Variants in ZNF679 observed in about 807,000 individuals in gnomAD.
ZNF679 encodes the protein hypothetical protein MGC42415.
Under a neutral mutation model 13.4 loss-of-function variants are expected in ZNF679, and 10 were observed. That is an observed-to-expected ratio of 0.75 (90% CI 0.46 to 1.27). The LOEUF is 1.27. Among genes scored for constraint, ZNF679 ranks in the 50% most tolerant of loss-of-function variants. The pLI is 0.00. For synonymous variants in ZNF679, 179 were observed against 162.5 expected (o/e 1.10, Z -0.77); for missense variants, 525 against 477.8 (o/e 1.10, Z -0.92).
chr7:64,255,213 A>G (rs2115579041), intron 2 of ZNF679, among the ~76,000 whole-genome samples: 1 of 152,146 alleles, frequency 6.6e-6, no homozygotes. Context: ...CTAAAAACTT[A>G]GAGAAAAGGA....
intron 2 of ZNF679, among the ~76,000 whole-genome samples, chr7:64,259,663 C>G (rs1388673519): frequency 1.3e-5 from 2 of 152,134 alleles, no homozygotes; most frequent in African/African-American, 2.4e-5. Context: ...TGCGGGGGCT[C>G]ACGCTAGTAA....
intron 4 of ZNF679, 138 bp downstream of exon 4, chr7:64,261,067 T>C (rs1788070991): frequency 1.1e-6 from 1 of 901,154 alleles, no homozygotes; most frequent in Non-Finnish European, 1.6e-6. Flanking sequence ...TTTTTTTTTC[T>C]TTTGCTCTCA....
chr7:64,266,658 A>T lies in ZNF679; in HGVS notation c.1025A>T (p.His342Leu). The T allele has an allele frequency of 6.2e-7, 1 of 1,613,824 alleles. No individual in the cohort carries two copies. The highest frequency in any genetic ancestry group is 1.6e-4 in the Middle Eastern group (1 of 6,062). The part of the protein sequence containing the change: ...AFNCSSTLKK[H>L]KIIHTGEKPY... ...AACTGCTCCTCAACCCTTAAGAAAC[A>T]TAAGATAATTCATACTGGAGAGAAA... Residue 342 changes from histidine (H) to leucine (L), a missense_variant, in exon 5 of 5, where the codon CAT becomes CTT. His to Leu is a moderately conservative substitution (Grantham distance 99). Transcript: ENST00000421025.
At chr7:64,265,480 CACTTTCTATCATGGAAGACAGAA>C (rs1357977078) in intron 4 of ZNF679, among the ~76,000 whole-genome samples, 1 of 152,134 alleles carries the variant, frequency 6.6e-6, no homozygotes, top group Non-Finnish European at 1.5e-5. Context: ...TTTGATTCAG[CACTTTCTATCATGGAAGACAGAA>C]AGGCCTCCAT....
At chr7:64,240,433 G>T in intron 1 of ZNF679, among the ~76,000 whole-genome samples, 1 of 152,152 alleles carries the variant, frequency 6.6e-6, no homozygotes, top group East Asian at 1.9e-4. Context: ...CAACAGGCAA[G>T]GTCCTGGGTC....
chr7:64,245,421 A>AGAG (rs1562842826), intron 1 of ZNF679, among the ~76,000 whole-genome samples: 2 of 81,314 alleles, frequency 2.5e-5, no homozygotes, highest in Admixed American at 1.1e-4. Flanking sequence ...GAGAGAGAGA[A>AGAG]AGAGAGAGAG....
intron 4 of ZNF679, among the ~76,000 whole-genome samples, chr7:64,261,509 A>G (rs1788077016): frequency 6.6e-6 from 1 of 152,008 alleles, no homozygotes; most frequent in South Asian, 2.1e-4. Context: ...TTATGTCTTC[A>G]TTTTACTGTG....
chr7:64,235,996 G>T (rs185410076), intron 1 of ZNF679, among the ~76,000 whole-genome samples: 6 of 152,276 alleles, frequency 3.9e-5, no homozygotes, highest in Admixed American at 6.5e-5. Context: ...GCCGGGCGTG[G>T]TGCCTCACGC....
intron 2 of ZNF679, among the ~76,000 whole-genome samples, chr7:64,252,985 T>C (rs1250142574): frequency 2.0e-5 from 3 of 152,246 alleles, no homozygotes; most frequent in Non-Finnish European, 4.4e-5. Context: ...CTCCAAATGC[T>C]GGGATTACAG....
At chr7:64,249,359 T>C (rs1343102488) in intron 2 of ZNF679, among the ~76,000 whole-genome samples, 1 of 152,178 alleles carries the variant, frequency 6.6e-6, no homozygotes, top group African/African-American at 2.4e-5. Context: ...GAATTCTTTT[T>C]CCTTTGCAGT....
intron 1 of ZNF679, among the ~76,000 whole-genome samples, chr7:64,236,925 GA>G (rs1385258655): frequency 3.0e-3 from 73 of 24,670 alleles, no homozygotes; most frequent in African/African-American, 0.016. Flanking sequence ...AAAGAAAGAA[GA>G]AAGAAAGAAA....
chr7:64,240,215 T>C (rs188943445), intron 1 of ZNF679, among the ~76,000 whole-genome samples: 1 of 152,260 alleles, frequency 6.6e-6, no homozygotes, highest in Admixed American at 6.5e-5. Context: ...AAGTGATGTG[T>C]CTCTCCTCTG....
At chr7:64,230,502 C>T (rs1428345810) in intron 1 of ZNF679, among the ~76,000 whole-genome samples, 4 of 147,190 alleles carry the variant, frequency 2.7e-5, no homozygotes, top group Non-Finnish European at 6.0e-5. Flanking sequence ...CACTGCAGTC[C>T]GCAGTCTGGC....
At chr7:64,248,019 CTTTTT>C (rs200312359) in intron 1 of ZNF679, among the ~76,000 whole-genome samples, 1 of 151,350 alleles carries the variant, frequency 6.6e-6, no homozygotes, top group South Asian at 2.1e-4. Flanking sequence ...AGACTGCGTA[CTTTTT>C]TTTTAAGTGG....
chr7:64,263,005 A>C (rs754442818), intron 4 of ZNF679, among the ~76,000 whole-genome samples: 1 of 151,878 alleles, frequency 6.6e-6, no homozygotes, highest in African/African-American at 2.4e-5. Flanking sequence ...GTTTATTTCC[A>C]TGTATTTTTG....
At chr7:64,235,114 A>G (rs1200297453) in intron 1 of ZNF679, among the ~76,000 whole-genome samples, 4 of 152,192 alleles carry the variant, frequency 2.6e-5, no homozygotes, top group Non-Finnish European at 5.9e-5. Context: ...CTGGGATTAC[A>G]GGTGTAAGCC....
rs1477758095 is a variant in ZNF679, at chr7:64,260,469, G to A, written c.166+122G>A. The A allele has an allele frequency of 3.5e-6, 5 of 1,428,498 alleles. No individual in the cohort carries two copies. In the East Asian group the frequency reaches 9.5e-5, roughly 27 times the overall value. The allele number at this position is 1,428,498 out of a possible 1,614,324, so 88.5% of individuals were successfully genotyped here. A position where few individuals can be genotyped will look rare whatever the true frequency, so the allele number is the denominator to read the frequency against. On this transcript the variant is annotated intron_variant, in intron 3 of 4. Coordinates refer to ENST00000421025, the MANE Select transcript of ZNF679 (RefSeq NM_153363.3). ...GCTCTCTGATTTGAAGAAAATCTTG[G>A]GGATTCATTGGTGTAGAACAAATTC...
At chr7:64,243,686 C>A (rs1787829693) in intron 1 of ZNF679, among the ~76,000 whole-genome samples, 1 of 152,210 alleles carries the variant, frequency 6.6e-6, no homozygotes, top group South Asian at 2.1e-4. Context: ...GTCACATTAT[C>A]TAGGCGCTCA....
At chr7:64,233,686 A>ACTTCC (rs1486391772) in intron 1 of ZNF679, among the ~76,000 whole-genome samples, 1 of 152,046 alleles carries the variant, frequency 6.6e-6, no homozygotes, top group African/African-American at 2.4e-5. Context: ...GGAATAAGGA[A>ACTTCC]ACCACCTTCA....
Sources: allele counts gnomAD v4.1 joint callset (sites outside exome capture counted in the v4.1 genomes callset), GRCh38; gene constraint gnomAD v4.1.1; transcripts MANE v1.5; gene names NCBI Gene and HGNC (gene_info 2026-07-23, HGNC 2026-07-21).